The following SH2D4A variants were observed in gnomAD, a reference collection of about 807,000 sequenced individuals.
SH2D4A encodes SH2 domain-containing protein 4A.
SH2D4A carries 70 observed loss-of-function variants against 64.7 expected under a neutral mutation model. The ratio of observed to expected loss-of-function variants is 1.08; its 90% CI spans 0.89 to 1.32. The LOEUF (loss-of-function observed/expected upper bound fraction) is 1.32, where lower values mean the gene tolerates loss of function less well. SH2D4A is among the 40% of genes most tolerant of loss of function. SH2D4A has a pLI of 0.00. For missense variants in SH2D4A, 706 were observed against 540.1 expected (o/e 1.31, Z -3.04); for synonymous variants, 268 against 200.7 (o/e 1.34, Z -2.83).
chr8:19,333,461 A>G (rs762022992), intron 3 of SH2D4A, among the ~76,000 whole-genome samples: 8 of 152,130 alleles, frequency 5.3e-5, no homozygotes, highest in Non-Finnish European at 8.8e-5. Flanking sequence ...CCGTGGCTGC[A>G]CTAGAGTCAT....
chr8:19,351,964 G>T (rs752586333), intron 4 of SH2D4A, among the ~76,000 whole-genome samples: 11 of 152,146 alleles, frequency 7.2e-5, no homozygotes, highest in Middle Eastern at 3.4e-3. Flanking sequence ...TTGTACTTTC[G>T]TAGAGATGGG....
At chr8:19,379,923 A>G (rs1385385213) in intron 8 of SH2D4A, among the ~76,000 whole-genome samples, 1 of 151,968 alleles carries the variant, frequency 6.6e-6, no homozygotes, top group Non-Finnish European at 1.5e-5. Context: ...TTTTGTAGAG[A>G]CAGGATCTCA....
chr8:19,333,948 T>G lies in SH2D4A; in HGVS notation c.342-738T>G, dbSNP rs17116609. 2.0e-5 allele frequency among the ~76,000 whole-genome samples: 3 copies of G among 152,124 alleles called. No homozygotes were observed. In the East Asian group the frequency reaches 5.8e-4, roughly 29 times the overall value. On this transcript the variant is annotated intron_variant, in intron 3 of 9. Coordinates refer to ENST00000265807, the MANE Select transcript of SH2D4A (RefSeq NM_022071.4). ...AGCATTTGGAATACACTTGGACAACTGCTTCAGAGGCCAGATTTAGGAGTT... is the reference window on the plus strand; with the variant it reads ...AGCATTTGGAATACACTTGGACAACGGCTTCAGAGGCCAGATTTAGGAGTT...
intron 4 of SH2D4A, among the ~76,000 whole-genome samples, chr8:19,355,168 A>G (rs1395017870): frequency 6.6e-6 from 1 of 152,178 alleles, no homozygotes; most frequent in Non-Finnish European, 1.5e-5. Context: ...ATTAAGAAAG[A>G]AGGGTTACCT....
intron 7 of SH2D4A, among the ~76,000 whole-genome samples, chr8:19,365,474 A>G (rs2052977527): frequency 6.6e-6 from 1 of 152,188 alleles, no homozygotes; most frequent in African/African-American, 2.4e-5. Flanking sequence ...TAAGTGCTGG[A>G]GCTTGTCTGT....
intron 7 of SH2D4A, among the ~76,000 whole-genome samples, chr8:19,368,874 A>C (rs183979676): frequency 6.6e-6 from 1 of 152,252 alleles, no homozygotes; most frequent in Non-Finnish European, 1.5e-5. Flanking sequence ...ACTATGTTGA[A>C]TAAAAGTGAT....
chr8:19,344,205 G>C (rs569018917), intron 4 of SH2D4A, among the ~76,000 whole-genome samples: 34 of 152,260 alleles, frequency 2.2e-4, no homozygotes, highest in Admixed American at 1.6e-3. Flanking sequence ...AGCAGGACTA[G>C]GTTCTCTGAT....
rs934058980 is a variant in SH2D4A, at chr8:19,343,494, GA to G, written c.513+8646del. Among the ~76,000 whole-genome samples, 5 of 150,384 alleles carry G rather than the reference GA, an allele frequency of 3.3e-5. No homozygotes were observed. The South Asian group carries it at 6.3e-4, about 19-fold the overall frequency. On this transcript the variant is annotated intron_variant, in intron 4 of 9. Transcript: ENST00000265807. ...TTGTTTATCTCATGGGTTTTTGGTG[GA>G]AAAAAAAAGATTAGGTAGTAAAAAA...
In SH2D4A at chr8:19,364,822, C is replaced by A. The variant is rs10888162; in HGVS notation, c.917+540C>A. On this transcript the variant is annotated intron_variant, in intron 7 of 9. Transcript: ENST00000265807. ...GTTCCTCTTTTAAGAATTTGGAAAG[C>A]CTCCTTTTTTAGATGAATTGTCTAT... Among the ~76,000 whole-genome samples, 9 of 152,118 alleles carry A rather than the reference C, an allele frequency of 5.9e-5. No homozygotes were observed. The East Asian group carries it at 1.4e-3, about 23-fold the overall frequency.
chr8:19,364,941 T>G (rs919894542), intron 7 of SH2D4A, among the ~76,000 whole-genome samples: 31 of 152,354 alleles, frequency 2.0e-4, no homozygotes, highest in African/African-American at 7.5e-4. Flanking sequence ...AATGATGCTA[T>G]TAAACCCCCA....
At chr8:19,388,611 A>T (rs1444744755) in intron 8 of SH2D4A, among the ~76,000 whole-genome samples, 6 of 152,228 alleles carry the variant, frequency 3.9e-5, no homozygotes. Context: ...TCTGATTTTT[A>T]AACACATTTT....
chr8:19,358,331 ATTC>A (rs2052826406), intron 5 of SH2D4A, among the ~76,000 whole-genome samples: 1 of 152,234 alleles, frequency 6.6e-6, no homozygotes, highest in African/African-American at 2.4e-5. Flanking sequence ...GGGAGCTTAT[ATTC>A]TTCATGGGAG....
intron 3 of SH2D4A, among the ~76,000 whole-genome samples, chr8:19,334,276 C>T (rs2052408778): frequency 6.6e-6 from 1 of 152,102 alleles, no homozygotes; most frequent in African/African-American, 2.4e-5. Flanking sequence ...GGGATGCTGC[C>T]CACTAGTGCC....
chr8:19,387,404 A>G, intron 8 of SH2D4A, among the ~76,000 whole-genome samples: 1 of 151,220 alleles, frequency 6.6e-6, no homozygotes. Flanking sequence ...CCCAGCTAAT[A>G]GTTTTTGTTG....
Position 19,353,993 on chromosome 8 carries a change from T to A in SH2D4A, c.514-3210T>A, listed in dbSNP as rs1037342566. ...ATCTCTCGAGTGGTTTTTCAACTAA[T>A]TTTTTTTTTTTTTTTTTTGACACGG... On this transcript the variant is annotated intron_variant, in intron 4 of 9. Transcript: ENST00000265807. Among the ~76,000 whole-genome samples, 11 of 22,792 alleles carry A rather than the reference T, an allele frequency of 4.8e-4. No individual in the cohort carries two copies. The South Asian group carries it at 9.8e-3, about 20-fold the overall frequency. The allele number at this position is 22,792 out of a possible 152,430, so 15.0% of individuals were successfully genotyped here.
intron 7 of SH2D4A, among the ~76,000 whole-genome samples, chr8:19,366,979 C>A (rs1019210113): frequency 6.6e-6 from 1 of 152,112 alleles, no homozygotes; most frequent in African/African-American, 2.4e-5. Context: ...GAACTTCATA[C>A]CGTTGTTTAT....
At chr8:19,338,477 G>A (rs2052477716) in intron 4 of SH2D4A, among the ~76,000 whole-genome samples, 1 of 152,230 alleles carries the variant, frequency 6.6e-6, no homozygotes, top group Admixed American at 6.5e-5. Flanking sequence ...TGAATATCCA[G>A]GCAGGCCCAG....
intron 8 of SH2D4A, among the ~76,000 whole-genome samples, chr8:19,392,861 C>A (rs781339952): frequency 6.6e-6 from 1 of 152,070 alleles, no homozygotes; most frequent in African/African-American, 2.4e-5. Flanking sequence ...CCTGCCTCAG[C>A]CTCCTGAGTA....
chr8:19,389,699 C>CTGAT (rs1176754939), intron 8 of SH2D4A, among the ~76,000 whole-genome samples: 2 of 152,118 alleles, frequency 1.3e-5, no homozygotes, highest in Non-Finnish European at 2.9e-5. Flanking sequence ...GGTCACTAAA[C>CTGAT]TGATAGCCTA....
Sources: allele counts gnomAD v4.1 joint callset (sites outside exome capture counted in the v4.1 genomes callset), GRCh38; gene constraint gnomAD v4.1.1; transcripts MANE v1.5; gene names NCBI Gene and HGNC (gene_info 2026-07-23, HGNC 2026-07-21).